Variants in ESRRG observed in about 807,000 individuals in gnomAD.
ESRRG encodes the protein estrogen related receptor gamma, also known as estrogen-related receptor gamma.
A neutral mutation model predicts 44.0 loss-of-function variants in ESRRG; 13 were observed. That is an observed-to-expected ratio of 0.30 (90% CI 0.19 to 0.47). ESRRG has a LOEUF of 0.47. Among genes scored for constraint, ESRRG ranks in the 20% least tolerant of loss-of-function variants. The pLI is 1.00. For missense variants in ESRRG, 395 were observed against 580.6 expected, an observed-to-expected ratio of 0.68 and a Z score of 3.29; for synonymous variants, 215 against 214.6, an observed-to-expected ratio of 1.00 and a Z score of -0.02.
intron 1 of ESRRG, among the ~76,000 whole-genome samples, chr1:217,029,660 G>A (rs2081753893): frequency 6.6e-6 from 1 of 152,176 alleles, no homozygotes; most frequent in African/African-American, 2.4e-5. Context: ...TTAAGAAAAA[G>A]GGTATAGTCT....
chr1:217,000,934 G>A (rs1410801016), intron 1 of ESRRG, among the ~76,000 whole-genome samples: 1 of 152,188 alleles, frequency 6.6e-6, no homozygotes, highest in Non-Finnish European at 1.5e-5. Flanking sequence ...CCGTTCACCG[G>A]CACCAAAATG....
chr1:216,999,164 T>C (rs566126679), intron 1 of ESRRG, among the ~76,000 whole-genome samples: 19 of 152,286 alleles, frequency 1.2e-4, no homozygotes, highest in African/African-American at 4.1e-4. Flanking sequence ...ATTACCTGAA[T>C]CTGTATGCCC....
At chr1:216,659,220 T>G (rs1559072542) in intron 2 of ESRRG, among the ~76,000 whole-genome samples, 1 of 152,204 alleles carries the variant, frequency 6.6e-6, no homozygotes, top group African/African-American at 2.4e-5. Flanking sequence ...TTTGCAAATA[T>G]TATAAAATAA....
In ESRRG at chr1:217,112,229, G is replaced by A. The variant is rs535366239; in HGVS notation, c.-230+25438C>T. On this transcript the variant is annotated intron_variant, in intron 1 of 8. Transcript: ENST00000366940. ...AAAATGTTTGAGCCACAAAGTTTTGGGGTGAGTTTTCACATAGCCATGTAT... is the reference window on the plus strand; with the variant it reads ...AAAATGTTTGAGCCACAAAGTTTTGAGGTGAGTTTTCACATAGCCATGTAT... Among the ~76,000 whole-genome samples the A allele has an allele frequency of 5.6e-4, 85 of 152,262 alleles. No homozygotes were observed. In the Middle Eastern group the frequency reaches 0.01, roughly 18 times the overall value.
chr1:216,994,621 G>T (rs184512098), intron 1 of ESRRG, among the ~76,000 whole-genome samples: 1 of 151,876 alleles, frequency 6.6e-6, no homozygotes, highest in African/African-American at 2.4e-5. Flanking sequence ...TCTCTGTATC[G>T]CCCAGGCTGG....
At chr1:216,801,373 C>A (rs1486991654) in intron 2 of ESRRG, among the ~76,000 whole-genome samples, 1 of 152,138 alleles carries the variant, frequency 6.6e-6, no homozygotes, top group East Asian at 1.9e-4. Context: ...AGTTCTATAT[C>A]TGCCATTTTG....
chr1:216,810,757 T>C (rs1050824632), intron 2 of ESRRG, among the ~76,000 whole-genome samples: 4 of 148,274 alleles, frequency 2.7e-5, no homozygotes, highest in Non-Finnish European at 5.9e-5. Context: ...CTCTATGATA[T>C]ATATAACTAT....
chr1:217,074,726 T>C (rs1370682516), intron 1 of ESRRG, among the ~76,000 whole-genome samples: 1 of 152,132 alleles, frequency 6.6e-6, no homozygotes, highest in African/African-American at 2.4e-5. Flanking sequence ...TAAGCTATGA[T>C]TGTGCCACTG....
At chr1:217,092,274 G>A (rs1231768821), upstream of ESRRG, among the ~76,000 whole-genome samples, 1 of 152,132 alleles carries the variant, frequency 6.6e-6, no homozygotes, top group Non-Finnish European at 1.5e-5. Flanking sequence ...AGCATGTTCA[G>A]TTTCACTTCC....
At chr1:216,641,417 T>C (rs1328421372) in intron 3 of ESRRG, among the ~76,000 whole-genome samples, 1 of 152,234 alleles carries the variant, frequency 6.6e-6, no homozygotes, top group Non-Finnish European at 1.5e-5. Flanking sequence ...CTTTAAAACA[T>C]TAGAACTTCA....
intron 3 of ESRRG, among the ~76,000 whole-genome samples, chr1:216,632,192 A>G (rs938693341): frequency 1.3e-5 from 2 of 152,302 alleles, no homozygotes; most frequent in South Asian, 4.1e-4. Flanking sequence ...GATATTACCA[A>G]ACATACATAA....
intron 3 of ESRRG, among the ~76,000 whole-genome samples, chr1:216,595,449 A>G (rs541817991): frequency 1.3e-5 from 2 of 152,368 alleles, no homozygotes; most frequent in Non-Finnish European, 2.9e-5. Flanking sequence ...CTGGAAATGC[A>G]TTGAGAAACA....
At position 216,607,159 on chromosome 1, in the gene ESRRG, A is replaced by G. The variant is rs554308237; in HGVS notation, c.590-39061T>C. On this transcript the variant is annotated intron_variant, in intron 3 of 6. Transcript: ENST00000408911. ...TATAAAAGAAATCTTGTCTATTCCA[A>G]TGACATTCAGACTCCTGAGAGGGTT... 3.9e-5 allele frequency among the ~76,000 whole-genome samples: 6 copies of G among 152,330 alleles called. 2 individuals carry two copies. Among genetic ancestry groups the G allele is most frequent in the African/African-American group, 1.4e-4 (6 of 41,578 alleles).
intron 1 of ESRRG, among the ~76,000 whole-genome samples, chr1:217,037,656 C>T (rs6700206): frequency 0.41 from 62,650 of 151,854 alleles, 13,110 homozygotes; most frequent in Admixed American, 0.49. Context: ...AAACCAATCA[C>T]GCCATCCCAA....
chr1:216,613,800 T>A (rs1308987158), intron 3 of ESRRG, among the ~76,000 whole-genome samples: 1 of 152,196 alleles, frequency 6.6e-6, no homozygotes, highest in Non-Finnish European at 1.5e-5. Flanking sequence ...CAATGGAAAA[T>A]ATATTTGAAA....
At chr1:217,045,331 C>T (rs1189433263) in intron 1 of ESRRG, among the ~76,000 whole-genome samples, 1 of 152,148 alleles carries the variant, frequency 6.6e-6, no homozygotes, top group African/African-American at 2.4e-5. Context: ...AGTTCAGGAA[C>T]CAGGAAACCA....
intron 1 of ESRRG, among the ~76,000 whole-genome samples, chr1:217,084,794 G>T (rs1450128719): frequency 6.6e-6 from 1 of 152,058 alleles, no homozygotes; most frequent in African/African-American, 2.4e-5. Context: ...TGACTCCCCA[G>T]TATCTTGCAT....
rs1410985434 is a variant in ESRRG at position 216,572,524 on chromosome 1, C to G, written c.590-4426G>C. ...TACTGTATAGATATCATGAAGATATCTGTATATTTTCAACATAATTCTATT... is the reference window on the plus strand; with the variant it reads ...TACTGTATAGATATCATGAAGATATGTGTATATTTTCAACATAATTCTATT... On this transcript the variant is annotated intron_variant, in intron 3 of 6. Coordinates refer to ENST00000408911, the MANE Select transcript of ESRRG (RefSeq NM_001438.4). Among the ~76,000 whole-genome samples the G allele has an allele frequency of 5.3e-5, 8 of 151,750 alleles. No homozygotes were observed. In the East Asian group the frequency reaches 1.5e-3, roughly 29 times the overall value.
intron 6 of ESRRG, among the ~76,000 whole-genome samples, chr1:216,514,634 G>A (rs2043655720): frequency 6.6e-6 from 1 of 152,022 alleles, no homozygotes; most frequent in African/African-American, 2.4e-5. Flanking sequence ...AATCCTTTTA[G>A]AAACATGTAT....
Sources: allele counts gnomAD v4.1 joint callset (sites outside exome capture counted in the v4.1 genomes callset), GRCh38; gene constraint gnomAD v4.1.1; transcripts MANE v1.5; gene names NCBI Gene and HGNC (gene_info 2026-07-23, HGNC 2026-07-21).